The following TMEM163 variants were observed in gnomAD, a reference collection of about 807,000 sequenced individuals.
TMEM163 encodes transmembrane protein 163.
In TMEM163, 17 loss-of-function variants were observed where a neutral mutation model predicts 29.3. The observed-to-expected ratio is 0.58, with a 90% CI of 0.40 to 0.87. The LOEUF (loss-of-function observed/expected upper bound fraction) is 0.87. Among genes scored for constraint, TMEM163 ranks in the 40% least tolerant of loss-of-function variants. TMEM163 has a pLI of 0.00. For synonymous variants in TMEM163, 157 were observed against 160.6 expected (o/e 0.98, Z 0.17); for missense variants, 303 against 381.5 (o/e 0.79, Z 1.71).
At chr2:134,528,683 ATG>A (rs1680346687) in intron 4 of TMEM163, among the ~76,000 whole-genome samples, 1 of 152,254 alleles carries the variant, frequency 6.6e-6, no homozygotes, top group Admixed American at 6.5e-5. Flanking sequence ...ATTTTTAAAA[ATG>A]AAAACAGCCA....
intron 2 of TMEM163, among the ~76,000 whole-genome samples, chr2:134,578,586 C>T (rs1408217707): frequency 1.3e-5 from 2 of 152,066 alleles, no homozygotes; most frequent in Admixed American, 6.6e-5. Context: ...ACAACCTTTC[C>T]CCCACAGTAC....
intron 2 of TMEM163, among the ~76,000 whole-genome samples, chr2:134,694,429 C>T (rs191920663): frequency 6.6e-6 from 1 of 152,298 alleles, no homozygotes; most frequent in Non-Finnish European, 1.5e-5. Flanking sequence ...AACTAAAGGA[C>T]TAGTGTCATT....
At chr2:134,487,064 C>G (rs1265369561) in intron 5 of TMEM163, among the ~76,000 whole-genome samples, 1 of 152,078 alleles carries the variant, frequency 6.6e-6, no homozygotes, top group Non-Finnish European at 1.5e-5. Flanking sequence ...TTGAGAAGCC[C>G]TTCTGTTACA....
intron 2 of TMEM163, among the ~76,000 whole-genome samples, chr2:134,625,378 C>T (rs1297573001): frequency 2.0e-5 from 3 of 152,104 alleles, no homozygotes; most frequent in Admixed American, 6.5e-5. Flanking sequence ...AGCCACTGGC[C>T]TTTTTTCTGC....
At chr2:134,542,595 C>T (rs1013510542) in intron 4 of TMEM163, among the ~76,000 whole-genome samples, 5 of 152,150 alleles carry the variant, frequency 3.3e-5, no homozygotes, top group Admixed American at 6.5e-5. Flanking sequence ...GAGCACAAAC[C>T]CTAAAAGTGT....
intron 5 of TMEM163, among the ~76,000 whole-genome samples, chr2:134,477,178 G>A (rs949826903): frequency 2.6e-5 from 4 of 152,114 alleles, no homozygotes; most frequent in East Asian, 1.9e-4. Context: ...AGTGTCAGTC[G>A]CACTGCTGGC....
intron 2 of TMEM163, among the ~76,000 whole-genome samples, chr2:134,589,605 C>A (rs1337008410): frequency 1.3e-5 from 2 of 152,108 alleles, no homozygotes; most frequent in African/African-American, 4.8e-5. Flanking sequence ...GAGGAGGAAC[C>A]CTCAGTTCTG....
At chr2:134,648,627 T>G (rs1337601072) in intron 2 of TMEM163, among the ~76,000 whole-genome samples, 1 of 152,156 alleles carries the variant, frequency 6.6e-6, no homozygotes, top group Admixed American at 6.5e-5. Flanking sequence ...AACGAAAGAT[T>G]GTTGTATTTA....
At chr2:134,475,205 C>G (rs1005909064) in intron 5 of TMEM163, among the ~76,000 whole-genome samples, 14 of 152,078 alleles carry the variant, frequency 9.2e-5, no homozygotes, top group Non-Finnish European at 1.8e-4. Flanking sequence ...GCCTAGAAAT[C>G]ATCCCACTCT....
chr2:134,718,016 C>T (rs974241556), intron 1 of TMEM163, among the ~76,000 whole-genome samples: 2 of 152,178 alleles, frequency 1.3e-5, no homozygotes, highest in Non-Finnish European at 2.9e-5. Context: ...TGGAGGGGAG[C>T]TCTGAAGGGT....
chr2:134,627,947 AATCT>A (rs1330310135), intron 2 of TMEM163, among the ~76,000 whole-genome samples: 1 of 152,226 alleles, frequency 6.6e-6, no homozygotes, highest in Admixed American at 6.5e-5. Context: ...AAAAATGTAT[AATCT>A]ATCTAATTAC....
At chr2:134,507,426 C>T (rs13384465) in intron 4 of TMEM163, among the ~76,000 whole-genome samples, 1 of 152,154 alleles carries the variant, frequency 6.6e-6, no homozygotes, top group South Asian at 2.1e-4. Context: ...ATCAGCAGCA[C>T]CCGCGTCACA....
intron 2 of TMEM163, among the ~76,000 whole-genome samples, chr2:134,589,471 G>A (rs375031425): frequency 1.7e-4 from 26 of 152,276 alleles, no homozygotes; most frequent in South Asian, 1.5e-3. Flanking sequence ...ACCTCTGGTC[G>A]TCCTCACTGC....
chr2:134,618,481 CAATAATT>C (rs1682660872), intron 2 of TMEM163, among the ~76,000 whole-genome samples: 1 of 152,006 alleles, frequency 6.6e-6, no homozygotes, highest in African/African-American at 2.4e-5. Flanking sequence ...TTTCCTTTCT[CAATAATT>C]AATAGAATGA....
intron 2 of TMEM163, among the ~76,000 whole-genome samples, chr2:134,708,538 C>T (rs1272545415): frequency 1.3e-5 from 2 of 151,644 alleles, no homozygotes; most frequent in East Asian, 3.9e-4. Flanking sequence ...CTTAAATCTA[C>T]AGCTGCACCT....
intron 2 of TMEM163, among the ~76,000 whole-genome samples, chr2:134,570,493 C>T (rs992820057): frequency 1.5e-5 from 2 of 133,434 alleles, no homozygotes; most frequent in Admixed American, 7.1e-5. Flanking sequence ...TATACATATA[C>T]ATATACATAT....
intron 6 of TMEM163, among the ~76,000 whole-genome samples, chr2:134,464,892 C>A (rs138933467): frequency 8.5e-5 from 13 of 152,286 alleles, no homozygotes; most frequent in African/African-American, 2.4e-4. Context: ...CAGCTCTGCA[C>A]CCAGCAGGTC....
Position 134,456,660 on chromosome 2 carries a change from C to T in TMEM163, c.*56G>A. 1 of 1,591,514 alleles carries T rather than the reference C, an allele frequency of 6.3e-7. No individual in the cohort carries two copies. The highest frequency in any genetic ancestry group is 8.6e-7 in the Non-Finnish European group (1 of 1,162,206). The stretch of plus-strand genomic sequence containing the variant: ...AGATGTTCAGTTAAATATTGGCACC[C>T]TTTGCCTATGTGGAAACTCCTCATC... On this transcript the variant is annotated 3_prime_UTR_variant, in exon 8 of 8. Coordinates refer to ENST00000281924, the MANE Select transcript of TMEM163 (RefSeq NM_030923.5).
chr2:134,687,072 A>T (rs979256732), intron 2 of TMEM163, among the ~76,000 whole-genome samples: 2 of 152,226 alleles, frequency 1.3e-5, no homozygotes, highest in African/African-American at 4.8e-5. Flanking sequence ...AAGACACTAT[A>T]TCATCCAAGA....
Sources: gnomAD v4.1 joint callset for allele counts (sites outside exome capture counted in the v4.1 genomes callset) on GRCh38, gnomAD v4.1.1 for gene constraint, MANE v1.5 for transcripts, NCBI Gene and HGNC (gene_info 2026-07-23, HGNC 2026-07-21) for gene names.